The following PLEKHG4B variants were observed in gnomAD, a reference collection of about 807,000 sequenced individuals.
PLEKHG4B encodes pleckstrin homology domain-containing family G member 4B.
In PLEKHG4B, 111 loss-of-function variants were observed where a neutral mutation model predicts 121.3. That is an observed-to-expected ratio of 0.92 (90% CI 0.78 to 1.07). The LOEUF is 1.07. Among genes scored for constraint, PLEKHG4B ranks in the 50% least tolerant of loss-of-function variants. PLEKHG4B has a pLI of 0.00. For missense variants in PLEKHG4B, 1,831 were observed against 1,757.8 expected (o/e 1.04, Z -0.74); for synonymous variants, 738 against 725.0 (o/e 1.02, Z -0.29).
intron 2 of PLEKHG4B, among the ~76,000 whole-genome samples, chr5:120,534 G>A (rs185549599): frequency 3.9e-4 from 60 of 152,282 alleles, no homozygotes; most frequent in African/African-American, 1.4e-3. Flanking sequence ...CTGAGGCTGG[G>A]CTGAAAGGTG....
chr5:102,487 A>G (rs1733850107), intron 1 of PLEKHG4B, among the ~76,000 whole-genome samples: 1 of 152,180 alleles, frequency 6.6e-6, no homozygotes, highest in South Asian at 2.1e-4. Context: ...CAGGGTAAAC[A>G]CTGCAACCGC....
intron 1 of PLEKHG4B, among the ~76,000 whole-genome samples, chr5:97,104 T>C (rs1733650588): frequency 2.0e-5 from 3 of 152,014 alleles, no homozygotes; most frequent in Admixed American, 2.0e-4. Flanking sequence ...CATTCCAAAG[T>C]CAAAACCCCT....
rs538501520 is a variant in PLEKHG4B at position 172,039 on chromosome 5, G to A, written c.4050+595G>A. Among the ~76,000 whole-genome samples, 17 of 152,356 alleles carry A rather than the reference G, an allele frequency of 1.1e-4. No homozygotes were observed. The East Asian group carries it at 1.2e-3, about 10-fold the overall frequency. ...TGAGAAATGGCCGGTGCGTGGGGGC[G>A]CTGGCTCCACTCTGGCCTGGGATGG... On this transcript the variant is annotated intron_variant, in intron 16 of 19. Coordinates refer to ENST00000637938, the MANE Select transcript of PLEKHG4B (RefSeq NM_052909.5).
At chr5:180,252 G>C (rs1052736952) in intron 18 of PLEKHG4B, among the ~76,000 whole-genome samples, 1 of 152,156 alleles carries the variant, frequency 6.6e-6, no homozygotes, top group Non-Finnish European at 1.5e-5. Context: ...TCCGGGGAGG[G>C]ACTGCATGAA....
intron 2 of PLEKHG4B, among the ~76,000 whole-genome samples, chr5:133,920 ACG>A (rs1429227737): frequency 4.3e-4 from 63 of 145,118 alleles, no homozygotes; most frequent in African/African-American, 1.6e-3. Context: ...TGTGACACAC[ACG>A]CACACACACA....
rs137909077 is a variant in PLEKHG4B, at chr5:95,059, C to T, written c.45+2783C>T. 2.5e-4 allele frequency among the ~76,000 whole-genome samples: 38 copies of T among 152,296 alleles called. No individual in the cohort carries two copies. In the East Asian group the frequency reaches 5.6e-3, roughly 22 times the overall value. ...GTGATATCTGGGACACTTTTCTGGGCCGCAGTTCACACCTGGGCCCAGGTT... is the reference window on the plus strand; with the variant it reads ...GTGATATCTGGGACACTTTTCTGGGTCGCAGTTCACACCTGGGCCCAGGTT... On this transcript the variant is annotated intron_variant, in intron 1 of 19. Coordinates refer to ENST00000637938, the MANE Select transcript of PLEKHG4B (RefSeq NM_052909.5).
chr5:176,998 A>G (rs1280489126), intron 18 of PLEKHG4B, among the ~76,000 whole-genome samples: 1 of 152,208 alleles, frequency 6.6e-6, no homozygotes, highest in Non-Finnish European at 1.5e-5. Context: ...CCATTGCGTC[A>G]TTGGTCACTT....
chr5:138,499 A>G (rs1403742479), intron 2 of PLEKHG4B, among the ~76,000 whole-genome samples: 1 of 152,220 alleles, frequency 6.6e-6, no homozygotes, highest in African/African-American at 2.4e-5. Context: ...CCCCATCTGC[A>G]TGTGTGTCTC....
chr5:93,209 C>T lies in PLEKHG4B; in HGVS notation c.45+933C>T, dbSNP rs553607863. ...ATACTTTTGACTGAGCCTTAGGCAG[C>T]TGGGTGGGTCCTGAATCAAGATTCC... On this transcript the variant is annotated intron_variant, in intron 1 of 19. Transcript: ENST00000637938. Among the ~76,000 whole-genome samples, 7 of 152,204 alleles carry T rather than the reference C, an allele frequency of 4.6e-5. No homozygotes were observed. In the East Asian group the frequency reaches 9.7e-4, roughly 21 times the overall value.
At chr5:181,789 G>T in intron 19 of PLEKHG4B, 114 bp downstream of exon 19, 1 of 1,439,538 alleles carries the variant, frequency 6.9e-7, no homozygotes, top group Non-Finnish European at 9.4e-7. Flanking sequence ...GAGTGCACCA[G>T]GCCTGTCGTC....
intron 6 of PLEKHG4B, among the ~76,000 whole-genome samples, chr5:148,130 G>T (rs1206745695): frequency 6.6e-6 from 1 of 151,850 alleles, no homozygotes; most frequent in Non-Finnish European, 1.5e-5. Flanking sequence ...CATACTCAAT[G>T]GCAAAAAAAC....
At chr5:129,014 A>T (rs923484750) in intron 2 of PLEKHG4B, among the ~76,000 whole-genome samples, 2 of 152,202 alleles carry the variant, frequency 1.3e-5, no homozygotes, top group Non-Finnish European at 2.9e-5. Flanking sequence ...TAAGATACCA[A>T]ATCTGAACCT....
intron 6 of PLEKHG4B, among the ~76,000 whole-genome samples, chr5:145,844 A>G (rs1331704050): frequency 6.6e-6 from 1 of 152,012 alleles, no homozygotes; most frequent in Non-Finnish European, 1.5e-5. Context: ...CCCATGCCCC[A>G]CCTGCACTCC....
chr5:142,916 A>G (rs1735269693), intron 3 of PLEKHG4B, 131 bp from the exon 4 acceptor site: 1 of 867,300 alleles, frequency 1.2e-6, no homozygotes. Context: ...GTGAACTGGG[A>G]CAAGTTTTCT....
At chr5:116,623 G>A (rs1222617695) in intron 2 of PLEKHG4B, among the ~76,000 whole-genome samples, 3 of 152,202 alleles carry the variant, frequency 2.0e-5, no homozygotes, top group Admixed American at 6.5e-5. Flanking sequence ...AGTGATAGCC[G>A]GGTTGTGGGT....
intron 13 of PLEKHG4B, among the ~76,000 whole-genome samples, chr5:164,214 T>C (rs1295877751): frequency 1.3e-5 from 2 of 152,246 alleles, no homozygotes; most frequent in African/African-American, 2.4e-5. Context: ...GAAGACAATT[T>C]TTCCACAGAC....
chr5:156,353 T>C lies in PLEKHG4B; in HGVS notation c.2348+143T>C, dbSNP rs1473260872. 3 of 978,100 alleles carry C rather than the reference T, an allele frequency of 3.1e-6. No individual in the cohort carries two copies. Among genetic ancestry groups the C allele is most frequent in the Non-Finnish European group, 4.1e-6 (3 of 732,794 alleles). The allele number at this position is 978,100 out of a possible 1,614,324, so 60.6% of individuals were successfully genotyped here. A position where few individuals can be genotyped will look rare whatever the true frequency, so the allele number is the denominator to read the frequency against. On this transcript the variant is annotated intron_variant, in intron 10 of 19. Transcript: ENST00000637938. The surrounding 1 kb of genome is among the most constrained non-coding windows in gnomAD (Gnocchi z 4.4). ...GACCTCCATTCTGACAGCCACGCTT[T>C]GCCTGGGTCAGAGCTTTTCCACATT...
intron 6 of PLEKHG4B, among the ~76,000 whole-genome samples, chr5:145,352 C>T (rs1735371891): frequency 6.6e-6 from 1 of 151,494 alleles, no homozygotes; most frequent in Non-Finnish European, 1.5e-5. Flanking sequence ...CAGGAAGGGG[C>T]AGCCATAGTT....
At chr5:126,328 T>C (rs947642917) in intron 2 of PLEKHG4B, among the ~76,000 whole-genome samples, 1 of 152,212 alleles carries the variant, frequency 6.6e-6, no homozygotes, top group Non-Finnish European at 1.5e-5. Context: ...GAATTTTTCA[T>C]TTCAGTTATT....
Sources: gnomAD v4.1 joint callset for allele counts (sites outside exome capture counted in the v4.1 genomes callset) on GRCh38, gnomAD v4.1.1 for gene constraint, Gnocchi (gnomAD v3.1) non-coding constraint, MANE v1.5 for transcripts, NCBI Gene and HGNC (gene_info 2026-07-23, HGNC 2026-07-21) for gene names.